FGF1: variants seen among roughly 807,000 people sequenced by gnomAD.
FGF1 encodes beta-endothelial cell growth factor.
A neutral mutation model predicts 13.4 loss-of-function variants in FGF1; 9 were observed. That is an observed-to-expected ratio of 0.67 (90% confidence interval 0.40 to 1.17). FGF1 has a LOEUF of 1.17. Ranked by LOEUF, FGF1 falls within the 50% of genes most tolerant of loss-of-function variation. The probability of loss-of-function intolerance (pLI) is 0.01; values close to 1 mark genes in which losing one functional copy is unlikely to be tolerated. For missense variants in FGF1, 156 were observed against 192.7 expected, an observed-to-expected ratio of 0.81 and a Z score of 1.13; for synonymous variants, 93 against 79.0, an observed-to-expected ratio of 1.18 and a Z score of -0.94.
chr5:142,627,475 A>G (rs532718277), intron 1 of FGF1, among the ~76,000 whole-genome samples: 31 of 152,342 alleles, frequency 2.0e-4, no homozygotes, highest in Admixed American at 3.3e-4. Context: ...CTAGACAGAC[A>G]ATATCCCGGC....
rs150953138 is a variant in FGF1 at position 142,697,231 on chromosome 5, T to C, written c.-35+391A>G. Among the ~76,000 whole-genome samples the C allele has an allele frequency of 2.7e-3, 407 of 152,346 alleles. 6 individuals carry two copies. Among genetic ancestry groups the C allele is most frequent in the East Asian group, 0.02 (103 of 5,184 alleles). On this transcript the variant is annotated intron_variant, in intron 2 of 4. Transcript: ENST00000407758. The stretch of plus-strand genomic sequence containing the variant: ...TTTTTGCCAACGACAAAGAATCAGC[T>C]GGCATCCTTTTATTTTCTATTTCAT...
intron 1 of FGF1, among the ~76,000 whole-genome samples, chr5:142,647,991 A>G (rs1413807997): frequency 6.6e-6 from 1 of 152,186 alleles, no homozygotes; most frequent in Non-Finnish European, 1.5e-5. Context: ...AGGCTGAAGC[A>G]GGAGAATCAC....
At chr5:142,637,531 C>T (rs940146490) in intron 1 of FGF1, among the ~76,000 whole-genome samples, 19 of 151,916 alleles carry the variant, frequency 1.3e-4, no homozygotes, top group South Asian at 4.1e-4. Flanking sequence ...ATGTTAGCCA[C>T]GATGGTCTCA....
In FGF1 at chr5:142,618,921, G is replaced by GTTTTT. The variant is rs1343286807; in HGVS notation, c.-34-4761_-34-4760insAAAAA. Among the ~76,000 whole-genome samples, 427 of 108,330 alleles carry GTTTTT rather than the reference G, an allele frequency of 3.9e-3. 28 individuals are homozygous for GTTTTT. Among genetic ancestry groups the GTTTTT allele is most frequent in the African/African-American group, 0.013 (392 of 30,646 alleles). 71.1% of individuals were successfully genotyped at this position (108,330 alleles called of 152,430 possible). On this transcript the variant is annotated intron_variant, in intron 1 of 3. Coordinates refer to ENST00000337706, the MANE Select transcript of FGF1 (RefSeq NM_000800.5). ...GGCAAACACTGACATTTATTTTTTA[G>GTTTTT]TTGTTTTGTTTTTTTTTTTTTTTTT... is the stretch of plus-strand genomic sequence containing the variant.
chr5:142,593,882 A>T lies in FGF1; in HGVS notation c.*1408T>A, dbSNP rs1754739507. On this transcript the variant is annotated 3_prime_UTR_variant, in exon 4 of 4. Transcript: ENST00000337706. Reference sequence around the variant, plus strand: ...GAATGGTGTTTCTAATTTGCTAGCCACCTGGGTCAAGTTTAAGCAGGAAGT... The same window carrying T: ...GAATGGTGTTTCTAATTTGCTAGCCTCCTGGGTCAAGTTTAAGCAGGAAGT... 1.3e-5 allele frequency: 2 copies of T among 152,636 alleles called. No homozygotes were observed. Among genetic ancestry groups the T allele is most frequent in the South Asian group, 2.1e-4 (1 of 4,834 alleles). The allele number at this position is 152,636 out of a possible 1,614,324, so 9.5% of individuals were successfully genotyped here. A position where few individuals can be genotyped will look rare whatever the true frequency, so the allele number is the denominator to read the frequency against.
At chr5:142,617,425 C>T (rs534791499) in intron 1 of FGF1, among the ~76,000 whole-genome samples, 1 of 152,208 alleles carries the variant, frequency 6.6e-6, no homozygotes, top group African/African-American at 2.4e-5. Flanking sequence ...AGCCATGCAG[C>T]CCAGACTTCA....
chr5:142,607,840 G>C (rs1448817736), intron 2 of FGF1, among the ~76,000 whole-genome samples: 2 of 152,152 alleles, frequency 1.3e-5, no homozygotes, highest in Non-Finnish European at 2.9e-5. Context: ...GCATACCTGG[G>C]AAACCTACAT....
At chr5:142,646,208 CTTTTTTT>C (rs762008952) in intron 1 of FGF1, among the ~76,000 whole-genome samples, 99 of 54,944 alleles carry the variant, frequency 1.8e-3, no homozygotes, top group African/African-American at 6.7e-3. Flanking sequence ...CGCACCTGGC[CTTTTTTT>C]TTTTTTTTTT....
At chr5:142,629,258 C>T (rs982726232) in intron 1 of FGF1, among the ~76,000 whole-genome samples, 9 of 152,142 alleles carry the variant, frequency 5.9e-5, no homozygotes, top group East Asian at 3.9e-4. Flanking sequence ...TGGGCTCAAT[C>T]GATCCTCTTG....
At chr5:142,682,534 C>T (rs1285723620) in intron 1 of FGF1, among the ~76,000 whole-genome samples, 2 of 152,184 alleles carry the variant, frequency 1.3e-5, no homozygotes, top group African/African-American at 4.8e-5. Context: ...CCCCACTTTA[C>T]AGATGAGGAA....
At chr5:142,620,598 A>G (rs562859172) in intron 1 of FGF1, among the ~76,000 whole-genome samples, 2 of 152,344 alleles carry the variant, frequency 1.3e-5, no homozygotes, top group South Asian at 4.1e-4. Flanking sequence ...ACATAAAACA[A>G]AAATTGACAA....
intron 1 of FGF1, among the ~76,000 whole-genome samples, chr5:142,635,140 C>G (rs1004864935): frequency 2.0e-5 from 3 of 152,096 alleles, no homozygotes; most frequent in African/African-American, 7.2e-5. Flanking sequence ...CCTGGCTCCC[C>G]CTGTGGCTCT....
At chr5:142,660,611 C>T (rs1769041737) in intron 1 of FGF1, among the ~76,000 whole-genome samples, 1 of 152,222 alleles carries the variant, frequency 6.6e-6, no homozygotes, top group African/African-American at 2.4e-5. Context: ...TGATCACACC[C>T]ATTCAGCCTC....
intron 1 of FGF1, among the ~76,000 whole-genome samples, chr5:142,669,701 G>A (rs1408901704): frequency 6.6e-6 from 1 of 152,216 alleles, no homozygotes; most frequent in Non-Finnish European, 1.5e-5. Flanking sequence ...TCCATCTGCT[G>A]ACTGGCAGGC....
rs1427067359 is a variant in FGF1, at chr5:142,598,716, C to T, written c.273+1986G>A. Among the ~76,000 whole-genome samples, 2 of 152,134 alleles carry T rather than the reference C, an allele frequency of 1.3e-5. 1 individual carries two copies. Among genetic ancestry groups the T allele is most frequent in the Admixed American group, 1.3e-4 (2 of 15,274 alleles). ...AGCAGAGCTTTGAGATATCTTAGAA[C>T]TTCTCTTTATCAATGGGGAAAATGC... On this transcript the variant is annotated intron_variant, in intron 3 of 3. Transcript: ENST00000337706.
chr5:142,673,973 G>T (rs1383988224), intron 1 of FGF1, among the ~76,000 whole-genome samples: 4 of 152,048 alleles, frequency 2.6e-5, no homozygotes, highest in African/African-American at 9.7e-5. Flanking sequence ...CAGAACCCTG[G>T]CCTCTGTGGC....
At chr5:142,648,815 G>A (rs988669323) in intron 1 of FGF1, among the ~76,000 whole-genome samples, 9 of 151,820 alleles carry the variant, frequency 5.9e-5, no homozygotes, top group Admixed American at 1.3e-4. Context: ...GGGACTGAAC[G>A]GTTTGAAGAT....
At chr5:142,631,928 C>T (rs539185520) in intron 1 of FGF1, among the ~76,000 whole-genome samples, 80 of 152,114 alleles carry the variant, frequency 5.3e-4, no homozygotes, top group African/African-American at 1.8e-3. Context: ...GGACTACAGG[C>T]GTGTGCCACC....
chr5:142,634,712 G>T (rs1046428135), intron 1 of FGF1, among the ~76,000 whole-genome samples: 99 of 152,332 alleles, frequency 6.5e-4, no homozygotes, highest in African/African-American at 2.4e-3. Context: ...TCCTTTGGGA[G>T]TTCACAAAAT....
Sources: allele counts gnomAD v4.1 joint callset (sites outside exome capture counted in the v4.1 genomes callset), GRCh38; gene constraint gnomAD v4.1.1; transcripts MANE v1.5; gene names NCBI Gene and HGNC (gene_info 2026-07-23, HGNC 2026-07-21).